Variants in SUGCT observed in about 807,000 individuals in gnomAD.
The protein encoded by SUGCT is succinyl-CoA:glutarate CoA-transferase.
A neutral mutation model predicts 55.0 loss-of-function variants in SUGCT; 41 were observed. That is an observed-to-expected ratio of 0.74 (90% CI 0.58 to 0.97). The LOEUF (loss-of-function observed/expected upper bound fraction) is 0.97, where lower values mean the gene tolerates loss of function less well. Ranked by LOEUF, SUGCT falls within the 50% of genes least tolerant of loss-of-function variation. The pLI is 0.00. For synonymous variants in SUGCT, 187 were observed against 200.4 expected (o/e 0.93, Z 0.56); for missense variants, 568 against 547.8 (o/e 1.04, Z -0.37).
At chr7:40,150,075 G>C (rs192639331) in intron 1 of SUGCT, among the ~76,000 whole-genome samples, 2 of 151,756 alleles carry the variant, frequency 1.3e-5, no homozygotes. Context: ...CCTGGGAACA[G>C]AGTGAGACCC....
At chr7:40,282,976 G>C (rs1027740546) in intron 8 of SUGCT, among the ~76,000 whole-genome samples, 1 of 151,440 alleles carries the variant, frequency 6.6e-6, no homozygotes, top group Non-Finnish European at 1.5e-5. Flanking sequence ...TTTTTTTGGT[G>C]AAGATATTTG....
chr7:40,928,515 T>C, the SUGCT span, among the ~76,000 whole-genome samples: 1 of 152,150 alleles, frequency 6.6e-6, no homozygotes, highest in Non-Finnish European at 1.5e-5. Flanking sequence ...ATTCTATATT[T>C]GCAATTGCTT....
chr7:40,873,476 G>A, the SUGCT span, among the ~76,000 whole-genome samples: 17 of 152,226 alleles, frequency 1.1e-4, no homozygotes, highest in South Asian at 2.1e-4. Context: ...CCAGGCTCCC[G>A]GGCCCACCCA....
chr7:41,009,574 CACCATCCATCCTTTCTTCCATCT>C, the SUGCT span, among the ~76,000 whole-genome samples: 3 of 151,352 alleles, frequency 2.0e-5, no homozygotes, highest in African/African-American at 4.9e-5. Context: ...TCCTTCCATC[CACCATCCATCCTTTCTTCCATCT>C]ACCATCCATC....
intron 7 of SUGCT, among the ~76,000 whole-genome samples, chr7:40,255,227 CA>C (rs35996807): frequency 0.48 from 48,213 of 100,844 alleles, 7,947 homozygotes; most frequent in East Asian, 0.56. Flanking sequence ...AACTTCATCT[CA>C]AAAAAAAAAA....
chr7:40,572,635 T>A (rs1584018302), intron 12 of SUGCT, among the ~76,000 whole-genome samples: 1 of 152,306 alleles, frequency 6.6e-6, no homozygotes, highest in South Asian at 2.1e-4. Context: ...TTGGGGTAAA[T>A]CCTTCACGCC....
chr7:40,324,029 G>T (rs183509861), intron 9 of SUGCT, among the ~76,000 whole-genome samples: 1 of 151,686 alleles, frequency 6.6e-6, no homozygotes, highest in South Asian at 2.1e-4. Context: ...TAAAATTAAT[G>T]CAATCAAAAG....
Position 40,752,590 on chromosome 7 carries a change from G to A in SUGCT, c.1153+3093G>A, listed in dbSNP as rs544110430. Among the ~76,000 whole-genome samples, 30 of 152,124 alleles carry A rather than the reference G, an allele frequency of 2.0e-4. No homozygotes were observed. In the East Asian group the frequency reaches 4.8e-3, roughly 25 times the overall value. ...AGGCTGGTCTCAAACTCCTGACCTC[G>A]GGTGATCCACCTGCCTCGGCCTCCC... is the stretch of plus-strand genomic sequence containing the variant. On this transcript the variant is annotated intron_variant, in intron 13 of 13. Coordinates refer to ENST00000335693, the MANE Select transcript of SUGCT (RefSeq NM_001193313.2).
chr7:40,493,197 C>G (rs751759591), intron 11 of SUGCT, among the ~76,000 whole-genome samples: 83 of 152,152 alleles, frequency 5.5e-4, no homozygotes, highest in Non-Finnish European at 8.8e-4. Context: ...ACATCTGACT[C>G]TAAAAGCTGA....
At chr7:40,730,570 C>T (rs555998853) in intron 12 of SUGCT, among the ~76,000 whole-genome samples, 1 of 152,268 alleles carries the variant, frequency 6.6e-6, no homozygotes, top group African/African-American at 2.4e-5. Flanking sequence ...AAAATCTACT[C>T]TCCAGTGAGT....
chr7:40,814,964 A>G (rs1340528623), intron 13 of SUGCT, among the ~76,000 whole-genome samples: 5 of 151,984 alleles, frequency 3.3e-5, no homozygotes, highest in Non-Finnish European at 5.9e-5. Flanking sequence ...CTTTGTTTCT[A>G]TAGCCCCATG....
chr7:41,030,635 A>G, the SUGCT span, among the ~76,000 whole-genome samples: 3 of 152,270 alleles, frequency 2.0e-5, no homozygotes, highest in Admixed American at 2.0e-4. Context: ...TTTATTTAGT[A>G]TCTAAGGATT....
chr7:40,281,240 G>A (rs946672198), intron 8 of SUGCT, among the ~76,000 whole-genome samples: 16 of 151,608 alleles, frequency 1.1e-4, no homozygotes, highest in Middle Eastern at 3.4e-3. Flanking sequence ...AGAAAAGCCC[G>A]TGAATGTACA....
At chr7:40,541,056 TAAA>T (rs533297875) in intron 12 of SUGCT, among the ~76,000 whole-genome samples, 14 of 152,264 alleles carry the variant, frequency 9.2e-5, no homozygotes, top group African/African-American at 3.1e-4. Flanking sequence ...CCCTATACCT[TAAA>T]GGAATTGATA....
chr7:40,443,250 G>T lies in SUGCT; in HGVS notation c.817-6037G>T, dbSNP rs554782098. ...TAGGTATATACCCAGTAATGGGATGGCTGGGTCAAATGGTATTTCTAGTTT... is the reference window on the plus strand; with the variant it reads ...TAGGTATATACCCAGTAATGGGATGTCTGGGTCAAATGGTATTTCTAGTTT... On this transcript the variant is annotated intron_variant, in intron 9 of 13. Coordinates refer to ENST00000335693, the MANE Select transcript of SUGCT (RefSeq NM_001193313.2). 5.3e-5 allele frequency among the ~76,000 whole-genome samples: 8 copies of T among 152,272 alleles called. No individual in the cohort carries two copies. The South Asian group carries it at 1.7e-3, about 32-fold the overall frequency.
At chr7:40,253,682 G>A (rs546912452) in intron 7 of SUGCT, among the ~76,000 whole-genome samples, 2 of 152,160 alleles carry the variant, frequency 1.3e-5, no homozygotes, top group African/African-American at 4.8e-5. Context: ...CACCACGCAC[G>A]GCTAATTTTT....
rs377293868 is a variant in SUGCT at position 40,196,855 on chromosome 7, G to C, written c.484+1795G>C. ...AGCCAACAGCAGTTTCTTTTTTGGA[G>C]GCAGTGTATCTCTCTGTTCCTCAGG... On this transcript the variant is annotated intron_variant, in intron 6 of 13. Coordinates refer to ENST00000335693, the MANE Select transcript of SUGCT (RefSeq NM_001193313.2). Among the ~76,000 whole-genome samples the C allele has an allele frequency of 6.0e-4, 92 of 152,188 alleles. 2 individuals are homozygous for C. The South Asian group carries it at 0.018, about 29-fold the overall frequency.
chr7:41,032,211 T>G, the SUGCT span, among the ~76,000 whole-genome samples: 5,982 of 152,290 alleles, frequency 0.039, 161 homozygotes, highest in South Asian at 0.092. Flanking sequence ...TCTCCAGACT[T>G]GGGGTACACA....
intron 13 of SUGCT, among the ~76,000 whole-genome samples, chr7:40,759,994 A>G (rs1788454651): frequency 6.6e-6 from 1 of 152,280 alleles, no homozygotes; most frequent in Non-Finnish European, 1.5e-5. Context: ...ATTTCCCGCT[A>G]GTTGTACTGT....
Sources: gnomAD v4.1 joint callset for allele counts (sites outside exome capture counted in the v4.1 genomes callset) on GRCh38, gnomAD v4.1.1 for gene constraint, MANE v1.5 for transcripts, NCBI Gene and HGNC (gene_info 2026-07-23, HGNC 2026-07-21) for gene names.